LRP1B: variants seen among roughly 807,000 people sequenced by gnomAD.
The protein encoded by LRP1B is LDL receptor related protein 1B.
Under a neutral mutation model 556.6 loss-of-function variants are expected in LRP1B, and 217 were observed. That is an observed-to-expected ratio of 0.39 (90% CI 0.35 to 0.44). The LOEUF (loss-of-function observed/expected upper bound fraction) is 0.44. LRP1B is among the 20% of genes least tolerant of loss of function. The probability of loss-of-function intolerance (pLI) is 1.00; values close to 1 mark genes in which losing one functional copy is unlikely to be tolerated. For missense variants in LRP1B, 5,053 were observed against 5,620.8 expected, an observed-to-expected ratio of 0.90 and a Z score of 3.23; for synonymous variants, 2,047 against 1,865.8, an observed-to-expected ratio of 1.10 and a Z score of -2.50.
chr2:141,433,403 A>G (rs1308999895), intron 3 of LRP1B, among the ~76,000 whole-genome samples: 1 of 151,938 alleles, frequency 6.6e-6, no homozygotes. Flanking sequence ...GATAATTGTT[A>G]GTGGGTTTAT....
intron 41 of LRP1B, among the ~76,000 whole-genome samples, chr2:140,646,404 T>C (rs1220670883): frequency 2.0e-5 from 3 of 152,196 alleles, no homozygotes; most frequent in East Asian, 3.8e-4. Flanking sequence ...TTTCCCATCC[T>C]CCTAATTTCA....
chr2:141,132,702 G>T (rs984356214), intron 7 of LRP1B, among the ~76,000 whole-genome samples: 13 of 151,806 alleles, frequency 8.6e-5, no homozygotes, highest in African/African-American at 2.7e-4. Context: ...TACATAGGGA[G>T]AATACTATCC....
intron 2 of LRP1B, among the ~76,000 whole-genome samples, chr2:141,700,438 A>G (rs906050696): frequency 1.3e-5 from 2 of 151,840 alleles, no homozygotes; most frequent in Admixed American, 6.6e-5. Context: ...TAAAATTGTA[A>G]TCTCATATGA....
chr2:140,258,438 C>G (rs1681793155), intron 86 of LRP1B, among the ~76,000 whole-genome samples: 1 of 152,114 alleles, frequency 6.6e-6, no homozygotes, highest in Non-Finnish European at 1.5e-5. Flanking sequence ...CCTTCCCAGT[C>G]GCTATTACTG....
chr2:141,800,007 A>G (rs903630341), intron 2 of LRP1B, among the ~76,000 whole-genome samples: 1 of 152,172 alleles, frequency 6.6e-6, no homozygotes, highest in Non-Finnish European at 1.5e-5. Flanking sequence ...TTGGAAAATA[A>G]ACAATTTAAA....
chr2:140,587,033 GA>G (rs1379291208), intron 43 of LRP1B, among the ~76,000 whole-genome samples: 5 of 152,070 alleles, frequency 3.3e-5, no homozygotes, highest in Admixed American at 1.3e-4. Context: ...GAACAAAATG[GA>G]AATTTTAGAA....
intron 32 of LRP1B, among the ~76,000 whole-genome samples, chr2:140,791,187 G>C (rs1357255208): frequency 6.6e-6 from 1 of 152,140 alleles, no homozygotes; most frequent in African/African-American, 2.4e-5. Context: ...CCAGGAGGCA[G>C]AGGTTGCAGT....
chr2:141,975,726 C>T (rs1391225041), intron 1 of LRP1B, among the ~76,000 whole-genome samples: 1 of 152,020 alleles, frequency 6.6e-6, no homozygotes, highest in Non-Finnish European at 1.5e-5. Context: ...AGGATTATCC[C>T]AAGCAGATTC....
intron 1 of LRP1B, among the ~76,000 whole-genome samples, chr2:141,838,023 G>C (rs1183419125): frequency 1.3e-5 from 2 of 152,044 alleles, no homozygotes; most frequent in Admixed American, 1.3e-4. Flanking sequence ...AGCCGGGTAG[G>C]GTCCCGTGGG....
At chr2:140,732,483 T>C (rs1687812014) in intron 35 of LRP1B, among the ~76,000 whole-genome samples, 1 of 152,020 alleles carries the variant, frequency 6.6e-6, no homozygotes, top group South Asian at 2.1e-4. Context: ...AAAAAACTCT[T>C]GAAGGAAAAA....
rs946551061 is a variant in LRP1B, at chr2:142,045,231, G to A, written c.82+85417C>T. Among the ~76,000 whole-genome samples the A allele has an allele frequency of 2.4e-4, 36 of 151,302 alleles. 1 individual carries two copies. Among genetic ancestry groups the A allele is most frequent in the Admixed American group, 2.0e-3 (31 of 15,146 alleles). On this transcript the variant is annotated intron_variant, in intron 1 of 90. Transcript: ENST00000389484. ...GTCCCAGTATTGTACCATTCCCACA[G>A]TGCTTCAGGATTGTCTTTTAGATTT...
intron 3 of LRP1B, among the ~76,000 whole-genome samples, chr2:141,354,818 A>G (rs1256265397): frequency 6.6e-6 from 1 of 152,112 alleles, no homozygotes; most frequent in Admixed American, 6.5e-5. Context: ...GAGGGAATCT[A>G]TAACTATAGT....
intron 1 of LRP1B, among the ~76,000 whole-genome samples, chr2:142,118,877 A>G (rs1453747051): frequency 2.0e-5 from 3 of 152,162 alleles, no homozygotes; most frequent in African/African-American, 7.2e-5. Context: ...AAAATTTAAT[A>G]AAATTTTGGT....
intron 3 of LRP1B, among the ~76,000 whole-genome samples, chr2:141,384,012 C>T (rs1689738129): frequency 6.6e-6 from 1 of 152,106 alleles, no homozygotes; most frequent in Non-Finnish European, 1.5e-5. Flanking sequence ...TTACCACACT[C>T]ACACACAAAA....
intron 1 of LRP1B, among the ~76,000 whole-genome samples, chr2:142,043,694 A>T (rs1173928971): frequency 2.6e-5 from 4 of 151,700 alleles, no homozygotes; most frequent in Non-Finnish European, 5.9e-5. Context: ...CAACAGCTCA[A>T]TGTCTTACAG....
intron 1 of LRP1B, among the ~76,000 whole-genome samples, chr2:142,087,577 TAATG>T (rs1346035278): frequency 6.6e-6 from 1 of 151,378 alleles, no homozygotes; most frequent in African/African-American, 2.4e-5. Flanking sequence ...TATATAAATA[TAATG>T]AATATAAATA....
At chr2:140,509,798 C>A in intron 52 of LRP1B, 130 bp downstream of exon 52, 1 of 1,275,978 alleles carries the variant, frequency 7.8e-7, no homozygotes, top group Non-Finnish European at 1.1e-6. Context: ...CTGATTAAGT[C>A]CAATACTACC....
At chr2:140,420,256 C>T (rs1490447305) in intron 66 of LRP1B, among the ~76,000 whole-genome samples, 1 of 151,998 alleles carries the variant, frequency 6.6e-6, no homozygotes, top group Non-Finnish European at 1.5e-5. Context: ...AGATTCTTTA[C>T]TAAAGTAGAT....
At chr2:141,692,306 A>G (rs1476547126) in intron 2 of LRP1B, among the ~76,000 whole-genome samples, 2 of 151,962 alleles carry the variant, frequency 1.3e-5, no homozygotes, top group East Asian at 1.9e-4. Flanking sequence ...GCCCTTTTCC[A>G]TCTCTTACTT....
Sources: allele counts gnomAD v4.1 joint callset (sites outside exome capture counted in the v4.1 genomes callset), GRCh38; gene constraint gnomAD v4.1.1; transcripts MANE v1.5; gene names NCBI Gene and HGNC (gene_info 2026-07-23, HGNC 2026-07-21).